The following LRP1B variants were observed in gnomAD, a reference collection of about 807,000 sequenced individuals.
LRP1B encodes the protein low-density lipoprotein receptor-related protein 1B.
A neutral mutation model predicts 556.6 loss-of-function variants in LRP1B; 217 were observed. The ratio of observed to expected loss-of-function variants is 0.39; its 90% CI spans 0.35 to 0.44. LRP1B has a LOEUF of 0.44. LRP1B is among the 20% of genes least tolerant of loss of function. The probability of loss-of-function intolerance (pLI) is 1.00; values close to 1 mark genes in which losing one functional copy is unlikely to be tolerated. For synonymous variants in LRP1B, 2,047 were observed against 1,865.8 expected (o/e 1.10, Z -2.50); for missense variants, 5,053 against 5,620.8 (o/e 0.90, Z 3.23).
At chr2:141,073,444 G>C (rs145361197) in intron 7 of LRP1B, among the ~76,000 whole-genome samples, 1 of 151,586 alleles carries the variant, frequency 6.6e-6, no homozygotes, top group Non-Finnish European at 1.5e-5. Context: ...CTCTACATCA[G>C]GTCCAGAATT....
At chr2:141,768,873 A>ATGTGTG (rs57439402) in intron 2 of LRP1B, among the ~76,000 whole-genome samples, 4 of 150,670 alleles carry the variant, frequency 2.7e-5, no homozygotes, top group Admixed American at 6.6e-5. Flanking sequence ...AGATACAGAT[A>ATGTGTG]TGTGTGTGTG....
At chr2:140,767,651 TA>T (rs900200136) in intron 35 of LRP1B, among the ~76,000 whole-genome samples, 79 of 151,488 alleles carry the variant, frequency 5.2e-4, no homozygotes, top group African/African-American at 1.3e-3. Context: ...TTTTAATTAT[TA>T]TTTTTTTTAT....
intron 3 of LRP1B, among the ~76,000 whole-genome samples, chr2:141,326,435 C>T (rs1466227864): frequency 6.6e-6 from 1 of 151,716 alleles, no homozygotes; most frequent in Non-Finnish European, 1.5e-5. Flanking sequence ...AAAGCATGGC[C>T]ACGGAAAGAA....
chr2:141,474,186 T>C (rs1484472294), intron 3 of LRP1B, among the ~76,000 whole-genome samples: 1 of 150,810 alleles, frequency 6.6e-6, no homozygotes, highest in Admixed American at 6.7e-5. Context: ...TTTAACAAAA[T>C]AACAGCACAG....
At chr2:141,453,517 C>T (rs535300953) in intron 3 of LRP1B, among the ~76,000 whole-genome samples, 1 of 152,146 alleles carries the variant, frequency 6.6e-6, no homozygotes, top group African/African-American at 2.4e-5. Context: ...AATGCCTATT[C>T]AGGTAATGTT....
intron 32 of LRP1B, among the ~76,000 whole-genome samples, chr2:140,779,802 G>T (rs1383017171): frequency 6.8e-6 from 1 of 147,896 alleles, no homozygotes. Context: ...GCAGAGGGGA[G>T]ATATATATCA....
chr2:141,181,164 T>A (rs1454213190), intron 7 of LRP1B, among the ~76,000 whole-genome samples: 1 of 151,966 alleles, frequency 6.6e-6, no homozygotes, highest in African/African-American at 2.4e-5. Flanking sequence ...GGAGCTCTTG[T>A]ACACTTAACA....
intron 1 of LRP1B, among the ~76,000 whole-genome samples, chr2:142,058,288 T>C (rs894871376): frequency 2.0e-5 from 3 of 152,134 alleles, no homozygotes; most frequent in Non-Finnish European, 4.4e-5. Flanking sequence ...TATACCATGA[T>C]ATAACTTCCT....
At chr2:140,510,189 A>T in intron 51 of LRP1B, 133 bp from the exon 52 acceptor site, 1 of 814,710 alleles carries the variant, frequency 1.2e-6, no homozygotes, top group South Asian at 1.8e-5. Context: ...GTTATTGGGA[A>T]TCATTAAACA....
In LRP1B at chr2:140,485,488, C is replaced by G. The variant is rs1339957753; in HGVS notation, c.9280G>C (p.Val3094Leu). 8 of 1,613,608 alleles carry G rather than the reference C, an allele frequency of 5.0e-6. No homozygotes were observed. Among genetic ancestry groups the G allele is most frequent in the Non-Finnish European group, 5.1e-6 (6 of 1,179,782 alleles). The change falls in exon 59 of 91, where the codon GTC (valine) becomes CTC (leucine). Residue 3094 changes from valine (V) to leucine (L), a missense_variant. Coordinates refer to ENST00000389484, the MANE Select transcript of LRP1B (RefSeq NM_018557.3). ...TAGAGGTTTTTTCCAATCCAATCGA[C>G]AGCAAGTGCATTGGGGACCGCTGTG... ...HNTAVPNALA[V>L]DWIGKNLYWS...
chr2:140,647,179 G>A (rs771240482), intron 41 of LRP1B, among the ~76,000 whole-genome samples: 2 of 151,344 alleles, frequency 1.3e-5, no homozygotes, highest in Non-Finnish European at 2.9e-5. Flanking sequence ...TTTTAAATCT[G>A]CCTTTAAATG....
chr2:140,645,467 CTGAG>C (rs1574185560), intron 41 of LRP1B, among the ~76,000 whole-genome samples: 1 of 150,250 alleles, frequency 6.7e-6, no homozygotes, highest in Admixed American at 6.7e-5. Flanking sequence ...TCTACTGTCT[CTGAG>C]TAAGAAATTA....
intron 7 of LRP1B, among the ~76,000 whole-genome samples, chr2:141,083,121 AT>A (rs1460682079): frequency 6.6e-6 from 1 of 152,264 alleles, no homozygotes; most frequent in Non-Finnish European, 1.5e-5. Context: ...TCTTATAAAA[AT>A]ATTTGAATAG....
chr2:141,326,455 G>T (rs1285714082), intron 3 of LRP1B, among the ~76,000 whole-genome samples: 1 of 152,100 alleles, frequency 6.6e-6, no homozygotes, highest in Admixed American at 6.6e-5. Flanking sequence ...AAGTGGAAAT[G>T]ATTAGGATGG....
At chr2:141,364,652 A>G (rs745741498) in intron 3 of LRP1B, among the ~76,000 whole-genome samples, 5 of 152,196 alleles carry the variant, frequency 3.3e-5, no homozygotes, top group African/African-American at 7.2e-5. Flanking sequence ...TATAAATTCT[A>G]TATCCCAAAG....
intron 2 of LRP1B, among the ~76,000 whole-genome samples, chr2:141,628,507 A>G (rs1480247329): frequency 6.6e-6 from 1 of 152,134 alleles, no homozygotes; most frequent in Non-Finnish European, 1.5e-5. Flanking sequence ...CTGCAGAGTG[A>G]CCTATGAAAT....
Position 140,294,312 on chromosome 2 carries a change from GTAAATTGATCT to G in LRP1B, c.12967+3485_12967+3495del, listed in dbSNP as rs376911536. Among the ~76,000 whole-genome samples the G allele has an allele frequency of 2.9e-3, 436 of 152,272 alleles. 4 individuals carry two copies. Among genetic ancestry groups the G allele is most frequent in the African/African-American group, 9.8e-3 (407 of 41,556 alleles). ...GATTAAATGTAATTTTACATTTAAA[GTAAATTGATCT>G]TAAATTGATCTTTTGTTAACATTTA... On this transcript the variant is annotated intron_variant, in intron 84 of 90. Coordinates refer to ENST00000389484, the MANE Select transcript of LRP1B (RefSeq NM_018557.3).
At chr2:140,988,591 G>A (rs1464594511) in intron 17 of LRP1B, among the ~76,000 whole-genome samples, 1 of 152,092 alleles carries the variant, frequency 6.6e-6, no homozygotes, top group East Asian at 1.9e-4. Context: ...AAAGTGCAGA[G>A]AGGTATGTCT....
chr2:141,015,980 T>G, intron 12 of LRP1B, 65 bp from the exon 13 acceptor site: 5 of 1,202,632 alleles, frequency 4.2e-6, no homozygotes, highest in Non-Finnish European at 6.2e-6. Flanking sequence ...GTATAGACAC[T>G]TCCTCAGATT....
Sources: gnomAD v4.1 joint callset for allele counts (sites outside exome capture counted in the v4.1 genomes callset) on GRCh38, gnomAD v4.1.1 for gene constraint, MANE v1.5 for transcripts, NCBI Gene and HGNC (gene_info 2026-07-23, HGNC 2026-07-21) for gene names.